The following SMIM31 variants were observed in gnomAD, a reference collection of about 807,000 sequenced individuals.
The protein encoded by SMIM31 is human epithelial cell program regulator.
chr4:164,761,067 T>G (rs1490275281), intron 1 of SMIM31, among the ~76,000 whole-genome samples: 7 of 152,364 alleles, frequency 4.6e-5, no homozygotes, highest in South Asian at 2.1e-4. Flanking sequence ...ATAAATATTT[T>G]ATTGCCATTC....
chr4:164,791,395 C>T (rs183719091), intron 2 of SMIM31, among the ~76,000 whole-genome samples: 84 of 152,152 alleles, frequency 5.5e-4, no homozygotes, highest in African/African-American at 1.8e-3. Flanking sequence ...TGCAGTGGTG[C>T]GATCTCAGCT....
intron 1 of SMIM31, among the ~76,000 whole-genome samples, chr4:164,755,547 AGGGGAGGGGAG>A (rs1732549256): frequency 3.3e-3 from 6 of 1,826 alleles, no homozygotes; most frequent in Non-Finnish European, 0.028. Flanking sequence ...AGAGGAGGGG[AGGGGAGGGGAG>A]GGGAGGGGAG....
intron 1 of SMIM31, among the ~76,000 whole-genome samples, chr4:164,768,169 G>A (rs75222181): frequency 0.019 from 2,926 of 151,498 alleles, 84 homozygotes; most frequent in African/African-American, 0.067. Context: ...CCAAAAGGCC[G>A]AGGCTGCAGT....
At chr4:164,772,781 T>C (rs1732827929) in intron 2 of SMIM31, among the ~76,000 whole-genome samples, 1 of 151,324 alleles carries the variant, frequency 6.6e-6, no homozygotes, top group African/African-American at 2.4e-5. Context: ...GGTTTCACCG[T>C]GTTAGCCGGG....
intron 2 of SMIM31, among the ~76,000 whole-genome samples, chr4:164,787,003 ATAAAC>A (rs1298332635): frequency 6.6e-6 from 1 of 152,250 alleles, no homozygotes; most frequent in Non-Finnish European, 1.5e-5. Flanking sequence ...AATTCTTTGC[ATAAAC>A]TAAAGAACAC....
chr4:164,778,748 T>G (rs1466996196), intron 2 of SMIM31, among the ~76,000 whole-genome samples: 1 of 152,038 alleles, frequency 6.6e-6, no homozygotes, highest in Non-Finnish European at 1.5e-5. Context: ...TGGCTCAGGT[T>G]CTCCATCCAC....
intron 1 of SMIM31, among the ~76,000 whole-genome samples, chr4:164,756,344 G>C (rs1383270482): frequency 6.6e-6 from 1 of 152,208 alleles, no homozygotes; most frequent in Middle Eastern, 3.4e-3. Context: ...GCTGGGGCAG[G>C]CGGATCACAA....
chr4:164,787,943 C>T (rs1733048113), intron 2 of SMIM31, among the ~76,000 whole-genome samples: 1 of 152,106 alleles, frequency 6.6e-6, no homozygotes, highest in Non-Finnish European at 1.5e-5. Context: ...CACATATTAT[C>T]GTCAATTTTT....
At chr4:164,784,637 T>C (rs1733002906) in intron 2 of SMIM31, among the ~76,000 whole-genome samples, 1 of 152,212 alleles carries the variant, frequency 6.6e-6, no homozygotes, top group African/African-American at 2.4e-5. Context: ...AACAGTTTGC[T>C]TCCTACAGTG....
chr4:164,765,669 A>C (rs1732711239), intron 1 of SMIM31, among the ~76,000 whole-genome samples: 1 of 151,840 alleles, frequency 6.6e-6, no homozygotes, highest in Non-Finnish European at 1.5e-5. Context: ...AAGCAACAGA[A>C]GTGGCATGCA....
chr4:164,783,383 G>A (rs764495527), intron 2 of SMIM31, among the ~76,000 whole-genome samples: 10 of 151,620 alleles, frequency 6.6e-5, no homozygotes, highest in Admixed American at 6.6e-4. Context: ...AATTTGCCAG[G>A]CATGGTGGCA....
intron 2 of SMIM31, 68 bp from the exon 3 acceptor site, chr4:164,801,023 G>A (rs976482468): frequency 1.3e-5 from 5 of 396,626 alleles, no homozygotes; most frequent in South Asian, 1.3e-4. Context: ...TCTTATAACC[G>A]AAGTTAATTT....
At chr4:164,756,431 G>T (rs1021376808) in intron 1 of SMIM31, among the ~76,000 whole-genome samples, 1 of 151,962 alleles carries the variant, frequency 6.6e-6, no homozygotes, top group Non-Finnish European at 1.5e-5. Flanking sequence ...AATTAGCCAG[G>T]TGTGGTGGTG....
chr4:164,767,615 G>T (rs1299867392), intron 1 of SMIM31, among the ~76,000 whole-genome samples: 1 of 152,152 alleles, frequency 6.6e-6, no homozygotes, highest in African/African-American at 2.4e-5. Flanking sequence ...GCTCCATCAA[G>T]GATATGCAAG....
intron 1 of SMIM31, among the ~76,000 whole-genome samples, chr4:164,760,854 A>T (rs1744345929): frequency 6.6e-6 from 1 of 152,122 alleles, no homozygotes; most frequent in Non-Finnish European, 1.5e-5. Context: ...TATCCTGAAC[A>T]ACTAGAAACA....
chr4:164,756,520 C>T (rs910464103), intron 1 of SMIM31, among the ~76,000 whole-genome samples: 6 of 150,924 alleles, frequency 4.0e-5, no homozygotes, highest in South Asian at 4.2e-4. Flanking sequence ...TGCAGTGAGG[C>T]GAGATCACGT....
intron 2 of SMIM31, among the ~76,000 whole-genome samples, chr4:164,772,751 T>G (rs1732827114): frequency 1.3e-5 from 2 of 151,602 alleles, no homozygotes; most frequent in African/African-American, 4.8e-5. Context: ...GCTAATTTTT[T>G]GTATTTTTAG....
At chr4:164,792,463 G>T (rs1733114710) in intron 2 of SMIM31, among the ~76,000 whole-genome samples, 1 of 151,948 alleles carries the variant, frequency 6.6e-6, no homozygotes, top group Admixed American at 6.6e-5. Flanking sequence ...TTTAATTAAG[G>T]TTTTCTACAT....
At chr4:164,781,908 C>T (rs1410061706) in intron 2 of SMIM31, among the ~76,000 whole-genome samples, 2 of 152,172 alleles carry the variant, frequency 1.3e-5, no homozygotes, top group Non-Finnish European at 2.9e-5. Context: ...CGGGGAATTG[C>T]ACAAGCCAGA....
Sources: gnomAD v4.1 joint callset for allele counts (sites outside exome capture counted in the v4.1 genomes callset) on GRCh38, gnomAD v4.1.1 for gene constraint, MANE v1.5 for transcripts, NCBI Gene and HGNC (gene_info 2026-07-23, HGNC 2026-07-21) for gene names.